Variants in DCAF10 observed in about 807,000 individuals in gnomAD.
DCAF10 encodes the protein DDB1 and CUL4 associated factor 10, also known as DDB1- and CUL4-associated factor 10.
DCAF10 carries 19 observed loss-of-function variants against 51.9 expected under a neutral mutation model. That is an observed-to-expected ratio of 0.37 (90% CI 0.26 to 0.54). The LOEUF (loss-of-function observed/expected upper bound fraction) is 0.54, where lower values mean the gene tolerates loss of function less well. DCAF10 is among the 20% of genes least tolerant of loss of function. The pLI is 0.87. For missense variants in DCAF10, 510 were observed against 730.6 expected (o/e 0.70, Z 3.48); for synonymous variants, 291 against 297.1 (o/e 0.98, Z 0.21).
At chr9:37,820,096 T>C (rs912109324) in intron 2 of DCAF10, among the ~76,000 whole-genome samples, 1 of 152,210 alleles carries the variant, frequency 6.6e-6, no homozygotes, top group Non-Finnish European at 1.5e-5. Flanking sequence ...TTCTATGTAA[T>C]GAGATTATAT....
intron 2 of DCAF10, chr9:37,836,450 T>A: frequency 7.2e-7 from 1 of 1,380,754 alleles, no homozygotes; most frequent in Middle Eastern, 2.5e-4. Context: ...GTGGGCCAGA[T>A]GAGTATGTTT....
chr9:37,819,189 A>T (rs1044890325), intron 1 of DCAF10, 99 bp from the exon 2 acceptor site: 1 of 881,206 alleles, frequency 1.1e-6, no homozygotes, highest in African/African-American at 1.7e-5. Flanking sequence ...AAAAAAAAAA[A>T]GTTATTTACC....
rs1292906398 is a variant in DCAF10 at position 37,864,617 on chromosome 9, T to C, written c.*3109T>C. On this transcript the variant is annotated 3_prime_UTR_variant, in exon 7 of 7. Coordinates refer to ENST00000377724, the MANE Select transcript of DCAF10 (RefSeq NM_024345.5). ...AAAAAAAAATAAAATAAAATAAAAT[T>C]AGTTTTGGAGGTGAAAACACCCAAA... 1 of 151,772 alleles carries C rather than the reference T, an allele frequency of 6.6e-6. No individual in the cohort carries two copies. The highest frequency in any genetic ancestry group is 1.5e-5 in the Non-Finnish European group (1 of 67,944). 9.4% of individuals were successfully genotyped at this position (151,772 alleles called of 1,614,324 possible).
At chr9:37,850,205 T>C (rs566976180) in intron 3 of DCAF10, among the ~76,000 whole-genome samples, 26 of 152,354 alleles carry the variant, frequency 1.7e-4, no homozygotes, top group African/African-American at 5.8e-4. Context: ...ATATAAATTA[T>C]GGAAGACAGT....
intron 1 of DCAF10, among the ~76,000 whole-genome samples, chr9:37,818,594 A>G (rs1478857667): frequency 6.6e-6 from 1 of 152,198 alleles, no homozygotes. Flanking sequence ...CAAGAGACAA[A>G]CCTAAAAAAC....
rs957573799 is a variant in DCAF10, at chr9:37,864,528, G to C, written c.*3020G>C. 1.3e-5 allele frequency: 2 copies of C among 150,704 alleles called. No individual in the cohort carries two copies. The highest frequency in any genetic ancestry group is 2.9e-5 in the Non-Finnish European group (2 of 67,982). The allele number at this position is 150,704 out of a possible 1,614,324, so 9.3% of individuals were successfully genotyped here. On this transcript the variant is annotated 3_prime_UTR_variant, in exon 7 of 7. Coordinates refer to ENST00000377724, the MANE Select transcript of DCAF10 (RefSeq NM_024345.5). ...GAACCTGGGAGGCAGAGGTTGCAGT[G>C]AGCCGAGATCGCACCACTGTACTCT...
upstream of DCAF10, chr9:37,800,741 A>G (rs1828891927): frequency 1.6e-5 from 24 of 1,533,970 alleles, no homozygotes; most frequent in Non-Finnish European, 2.1e-5. Context: ...ACGGTGGCCG[A>G]GGGGCGGCGC....
Position 37,842,166 on chromosome 9 carries a change from C to G in DCAF10, c.731C>G (p.Thr244Ser). 6.2e-7 allele frequency: 1 copy of G among 1,613,872 alleles called. No homozygotes were observed. Among genetic ancestry groups the G allele is most frequent in the Non-Finnish European group, 8.5e-7 (1 of 1,179,924 alleles). ...CTATGGGATCTGAGAAAATTGAACACCAAAGTATGCACTTTACATGGTCAC... is the reference window on the plus strand; with the variant it reads ...CTATGGGATCTGAGAAAATTGAACAGCAAAGTATGCACTTTACATGGTCAC... ...IALWDLRKLNTKVCTLHGHTS... is the reference protein window; with the variant it reads ...IALWDLRKLNSKVCTLHGHTS... Residue 244 changes from threonine (T) to serine (S), a missense_variant, in exon 3 of 7, where the codon ACC becomes AGC. Physicochemically the swap from Thr to Ser is moderately conservative, Grantham distance 58. Coordinates refer to ENST00000377724, the MANE Select transcript of DCAF10 (RefSeq NM_024345.5).
chr9:37,801,600 G>A lies in DCAF10; in HGVS notation c.539+195G>A, dbSNP rs1828948867. Among the ~76,000 whole-genome samples the A allele has an allele frequency of 6.6e-6, 1 of 152,210 alleles. No individual in the cohort carries two copies. The highest frequency in any genetic ancestry group is 6.5e-5 in the Admixed American group (1 of 15,284). On this transcript the variant is annotated intron_variant, in intron 1 of 6. Transcript: ENST00000377724. This position sits in a 1 kb window ranked among gnomAD's most constrained non-coding sequence, Gnocchi z 5.5. ...ATCCCCAGCCCAGCTTTTTGAGGCA[G>A]GCAGGCGGGGCCCCACTTGCTCGCC...
chr9:37,852,890 G>T (rs1316861050), intron 3 of DCAF10, among the ~76,000 whole-genome samples: 1 of 144,270 alleles, frequency 6.9e-6, no homozygotes, highest in African/African-American at 2.5e-5. Context: ...GTTAAAAGTA[G>T]ATTTTAAGTG....
chr9:37,852,739 G>A (rs764475351), intron 3 of DCAF10, among the ~76,000 whole-genome samples: 1 of 151,930 alleles, frequency 6.6e-6, no homozygotes, highest in Admixed American at 6.6e-5. Context: ...GTGAAACCCC[G>A]TCTCTACTAA....
intron 1 of DCAF10, among the ~76,000 whole-genome samples, chr9:37,802,648 G>A (rs1342113208): frequency 6.6e-6 from 1 of 152,194 alleles, no homozygotes; most frequent in African/African-American, 2.4e-5. Context: ...TGAGCAAGTA[G>A]ACTCTATTCC....
chr9:37,819,120 A>G (rs558338587), intron 1 of DCAF10, among the ~76,000 whole-genome samples, 168 bp from the exon 2 acceptor site: 13 of 152,278 alleles, frequency 8.5e-5, no homozygotes, highest in African/African-American at 3.1e-4. Context: ...ACCATTTCCT[A>G]CTACTCTTGC....
chr9:37,835,016 A>T (rs1830114189), intron 2 of DCAF10, among the ~76,000 whole-genome samples: 1 of 152,116 alleles, frequency 6.6e-6, no homozygotes, highest in African/African-American at 2.4e-5. Context: ...AAACTCCTGA[A>T]TTCAAGAGAT....
intron 3 of DCAF10, among the ~76,000 whole-genome samples, chr9:37,846,498 T>C (rs548297132): frequency 3.8e-4 from 58 of 152,070 alleles, no homozygotes; most frequent in African/African-American, 1.4e-3. Flanking sequence ...AGTAAAGATA[T>C]TGAATTGGTA....
chr9:37,819,501 C>G, intron 2 of DCAF10, 100 bp downstream of exon 2: 3 of 711,578 alleles, frequency 4.2e-6, no homozygotes, highest in Non-Finnish European at 4.6e-6. Context: ...TTATCCAGCA[C>G]TGCTAGATGA....
rs1318706750 is a variant in DCAF10 at position 37,865,351 on chromosome 9, T to C, written c.*3843T>C. 1.3e-5 allele frequency: 2 copies of C among 152,176 alleles called. No individual in the cohort carries two copies. Among genetic ancestry groups the C allele is most frequent in the Non-Finnish European group, 2.9e-5 (2 of 68,030 alleles). 9.4% of individuals were successfully genotyped at this position (152,176 alleles called of 1,614,324 possible). A position where few individuals can be genotyped will look rare whatever the true frequency, so the allele number is the denominator to read the frequency against. ...CTTTGTCCTCCTTGAGATATGGTGATGATCAAAAAGTTAGCAAGGAATATT... is the reference window on the plus strand; with the variant it reads ...CTTTGTCCTCCTTGAGATATGGTGACGATCAAAAAGTTAGCAAGGAATATT... On this transcript the variant is annotated 3_prime_UTR_variant, in exon 7 of 7. Coordinates refer to ENST00000377724, the MANE Select transcript of DCAF10 (RefSeq NM_024345.5).
rs1293789981 is a variant in DCAF10, at chr9:37,836,471, T to G, written c.654-5618T>G. On this transcript the variant is annotated intron_variant, in intron 2 of 6. Transcript: ENST00000377724. ...CAGATGAGTATGTTTAAGTGGAGAG[T>G]GCTTCCAGCTGAGATGATTTGAGTC... is the stretch of plus-strand genomic sequence containing the variant. 3 of 1,168,608 alleles carry G rather than the reference T, an allele frequency of 2.6e-6. No homozygotes were observed. The African/African-American group carries it at 4.6e-5, about 18-fold the overall frequency. The allele number at this position is 1,168,608 out of a possible 1,614,324, so 72.4% of individuals were successfully genotyped here.
chr9:37,836,325 G>C, intron 2 of DCAF10: 2 of 1,609,468 alleles, frequency 1.2e-6, no homozygotes, highest in Non-Finnish European at 1.7e-6. Flanking sequence ...GACACAATTA[G>C]AACAGTTACC....
Sources: gnomAD v4.1 joint callset for allele counts (sites outside exome capture counted in the v4.1 genomes callset) on GRCh38, gnomAD v4.1.1 for gene constraint, Gnocchi (gnomAD v3.1) non-coding constraint, MANE v1.5 for transcripts, NCBI Gene and HGNC (gene_info 2026-07-23, HGNC 2026-07-21) for gene names.